CSMD2: variants seen among roughly 807,000 people sequenced by gnomAD.
CSMD2 encodes the protein CUB and sushi domain-containing protein 2.
A neutral mutation model predicts 398.5 loss-of-function variants in CSMD2; 130 were observed. That is an observed-to-expected ratio of 0.33 (90% CI 0.28 to 0.38). The LOEUF is 0.38. CSMD2 is among the 10% of genes least tolerant of loss of function. The pLI is 1.00. For synonymous variants in CSMD2, 1,828 were observed against 1,908.5 expected (o/e 0.96, Z 1.10); for missense variants, 3,829 against 4,764.9 (o/e 0.80, Z 5.78).
intron 3 of CSMD2, among the ~76,000 whole-genome samples, chr1:33,936,447 C>T (rs1356971724): frequency 2.0e-5 from 3 of 152,134 alleles, no homozygotes; most frequent in South Asian, 2.1e-4. Flanking sequence ...ACTTTGGCCC[C>T]GCAGGTTCAG....
rs1653638344 is a variant in CSMD2 at position 33,514,933 on chromosome 1, CAG to C, written c.*1689_*1690del. 6.6e-6 allele frequency: 1 copy of C among 152,182 alleles called. No homozygotes were observed. The highest frequency in any genetic ancestry group is 1.5e-5 in the Non-Finnish European group (1 of 68,036). 9.4% of individuals were successfully genotyped at this position (152,182 alleles called of 1,614,324 possible). A position where few individuals can be genotyped will look rare whatever the true frequency, so the allele number is the denominator to read the frequency against. Reference sequence around the variant, plus strand: ...TCCAATCTAGAATTTGCTTAAGAACCAGGTGTCGCTGTCCCTCCGCTCCTGCA... The same window carrying C: ...TCCAATCTAGAATTTGCTTAAGAACCGTGTCGCTGTCCCTCCGCTCCTGCA... On this transcript the variant is annotated 3_prime_UTR_variant, in exon 71 of 71. Coordinates refer to ENST00000373381, the MANE Select transcript of CSMD2 (RefSeq NM_001281956.2).
chr1:33,981,548 C>T (rs558567466), intron 3 of CSMD2, among the ~76,000 whole-genome samples: 36 of 152,340 alleles, frequency 2.4e-4, no homozygotes, highest in African/African-American at 8.7e-4. Flanking sequence ...CATAACAACC[C>T]CTTCATTTGT....
chr1:33,711,316 A>T (rs1013345846), intron 21 of CSMD2, among the ~76,000 whole-genome samples: 5 of 152,216 alleles, frequency 3.3e-5, no homozygotes, highest in African/African-American at 1.2e-4. Flanking sequence ...CCCTCCATCT[A>T]GGCAGAGGCC....
At chr1:33,794,927 AG>A (rs763904775) in intron 10 of CSMD2, among the ~76,000 whole-genome samples, 3 of 151,022 alleles carry the variant, frequency 2.0e-5, no homozygotes, top group African/African-American at 7.3e-5. Context: ...GGTCTAGGTG[AG>A]GTAGGATGTG....
intron 6 of CSMD2, among the ~76,000 whole-genome samples, chr1:33,843,924 C>T (rs1053229047): frequency 2.6e-5 from 4 of 152,186 alleles, no homozygotes; most frequent in Non-Finnish European, 5.9e-5. Context: ...TTGCCACCTT[C>T]TTCCCTGGTC....
intron 13 of CSMD2, among the ~76,000 whole-genome samples, chr1:33,752,219 A>C (rs1451874335): frequency 6.6e-6 from 1 of 152,212 alleles, no homozygotes; most frequent in Non-Finnish European, 1.5e-5. Context: ...TCCAAATCTC[A>C]GGTTGAAATG....
intron 1 of CSMD2, among the ~76,000 whole-genome samples, chr1:34,136,231 A>G (rs936527984): frequency 6.6e-6 from 1 of 152,208 alleles, no homozygotes; most frequent in Admixed American, 6.5e-5. Flanking sequence ...TTCAAAATAA[A>G]TTACTTATTT....
intron 3 of CSMD2, among the ~76,000 whole-genome samples, chr1:33,977,121 C>A (rs1236758238): frequency 1.3e-5 from 2 of 151,960 alleles, no homozygotes; most frequent in African/African-American, 2.4e-5. Flanking sequence ...GGAAACAATT[C>A]CACCTACTCT....
rs371821151 is a variant in CSMD2, at chr1:33,553,068, A to G, written c.8744-2718T>C. ...GAGAGCAGTTAAAAATAAAATGATA[A>G]AAAAATCATGCCAATACTAAAAGAA... On this transcript the variant is annotated intron_variant, in intron 55 of 70. Coordinates refer to ENST00000373381, the MANE Select transcript of CSMD2 (RefSeq NM_001281956.2). Among the ~76,000 whole-genome samples, 38 of 152,326 alleles carry G rather than the reference A, an allele frequency of 2.5e-4. No homozygotes were observed. The East Asian group carries it at 6.2e-3, about 25-fold the overall frequency.
chr1:34,075,280 A>G (rs1214592401), intron 2 of CSMD2, among the ~76,000 whole-genome samples: 1 of 152,198 alleles, frequency 6.6e-6, no homozygotes, highest in Non-Finnish European at 1.5e-5. Flanking sequence ...TCTGCCCACA[A>G]GAGCACATTC....
Position 33,600,904 on chromosome 1 carries a change from C to G in CSMD2, c.6817G>C (p.Asp2273His). 1 of 1,614,182 alleles carries G rather than the reference C, an allele frequency of 6.2e-7. No individual in the cohort carries two copies. The highest frequency in any genetic ancestry group is 8.5e-7 in the Non-Finnish European group (1 of 1,180,018). ...SNQVLLKFHR[D>H]AATGGIFAIA... ...GCGAAGATCCCCCCTGTGGCTGCAT[C>G]ACGGTGGAACTTGAGCAGGACCTGG... The change falls in exon 44 of 71, where the codon GAT (aspartate) becomes CAT (histidine). Residue 2273 changes from aspartate to histidine, a missense_variant. By Grantham distance (81) the Asp-to-His change is moderately conservative (BLOSUM62 -1). Around this residue, in one of 5 missense-constraint regions of CSMD2, gnomAD observed 723 missense variants for 758.6 expected, o/e 0.95. Coordinates refer to ENST00000373381, the MANE Select transcript of CSMD2 (RefSeq NM_001281956.2).
chr1:34,142,662 T>C (rs980501638), intron 1 of CSMD2, among the ~76,000 whole-genome samples: 3 of 152,230 alleles, frequency 2.0e-5, no homozygotes, highest in Admixed American at 6.5e-5. Context: ...TTTGGAGTCA[T>C]GCAGCCCTGG....
chr1:33,982,540 A>G (rs1646208226), intron 3 of CSMD2, among the ~76,000 whole-genome samples: 1 of 152,230 alleles, frequency 6.6e-6, no homozygotes, highest in African/African-American at 2.4e-5. Context: ...TGATGAATCT[A>G]TCACAGGCAC....
chr1:33,549,325 A>G lies in CSMD2; in HGVS notation c.8917+852T>C, dbSNP rs1657203935. 3.3e-5 allele frequency among the ~76,000 whole-genome samples: 5 copies of G among 152,152 alleles called. No individual in the cohort carries two copies. In the South Asian group the frequency reaches 1.0e-3, roughly 32 times the overall value. On this transcript the variant is annotated intron_variant, in intron 56 of 70. Coordinates refer to ENST00000373381, the MANE Select transcript of CSMD2 (RefSeq NM_001281956.2). The stretch of plus-strand genomic sequence containing the variant: ...TGCCAAGGTGGGCCCTCCGAGGAAC[A>G]TCAAGCTGCACAAGCAGCTCCCTCT...
At chr1:34,110,140 T>C (rs550681756) in intron 1 of CSMD2, among the ~76,000 whole-genome samples, 12 of 147,596 alleles carry the variant, frequency 8.1e-5, no homozygotes, top group African/African-American at 2.8e-4. Context: ...AAAATCACAA[T>C]GAGATACCAT....
At chr1:33,816,747 G>A (rs773085033) in intron 9 of CSMD2, among the ~76,000 whole-genome samples, 39 of 152,052 alleles carry the variant, frequency 2.6e-4, no homozygotes, top group African/African-American at 9.4e-4. Context: ...GCCTGTGAAC[G>A]CCTAATTTCA....
chr1:33,636,610 A>G lies in CSMD2; in HGVS notation c.4775-56T>C, dbSNP rs566552770. The G allele has an allele frequency of 8.0e-6, 12 of 1,502,936 alleles. No individual in the cohort carries two copies. In the South Asian group the frequency reaches 9.4e-5, roughly 12 times the overall value. 93.1% of individuals were successfully genotyped at this position (1,502,936 alleles called of 1,614,324 possible). On this transcript the variant is annotated intron_variant, in intron 29 of 70. Transcript: ENST00000373381. The surrounding 1 kb of genome is among the most constrained non-coding windows in gnomAD (Gnocchi z 4.8). Reference sequence around the variant, plus strand: ...CACACAGAGGGCTCATGAGGAGGCTATTCTTGGGCTCCAGTGCCCATGAGG... The same window carrying G: ...CACACAGAGGGCTCATGAGGAGGCTGTTCTTGGGCTCCAGTGCCCATGAGG...
At chr1:34,137,230 G>A (rs9426002) in intron 1 of CSMD2, among the ~76,000 whole-genome samples, 54,804 of 151,520 alleles carry the variant, frequency 0.36, 10,891 homozygotes, top group East Asian at 0.63. Flanking sequence ...CCACCCCATA[G>A]CCTAGACTTA....
chr1:33,907,115 C>CTTTTT (rs59706894), intron 5 of CSMD2, among the ~76,000 whole-genome samples: 1 of 88,998 alleles, frequency 1.1e-5, no homozygotes, highest in Non-Finnish European at 2.1e-5. Flanking sequence ...TGATGATTAT[C>CTTTTT]TTTTTTTTTT....
Sources: gnomAD v4.1 joint callset for allele counts (sites outside exome capture counted in the v4.1 genomes callset) on GRCh38, gnomAD v4.1.1 for gene constraint, gnomAD v4.1.1 regional missense constraint, Gnocchi (gnomAD v3.1) non-coding constraint, MANE v1.5 for transcripts, NCBI Gene and HGNC (gene_info 2026-07-23, HGNC 2026-07-21) for gene names.